Variants in DOCK3 observed in about 807,000 individuals in gnomAD.
The protein encoded by DOCK3 is dedicator of cytokinesis 3, also known as dedicator of cytokinesis protein 3.
Under a neutral mutation model 265.6 loss-of-function variants are expected in DOCK3, and 60 were observed. That is an observed-to-expected ratio of 0.23 (90% confidence interval 0.18 to 0.28). The LOEUF (loss-of-function observed/expected upper bound fraction) is 0.28. DOCK3 is among the 10% of genes least tolerant of loss of function. The probability of loss-of-function intolerance (pLI) is 1.00; values close to 1 mark genes in which losing one functional copy is unlikely to be tolerated. For synonymous variants in DOCK3, 881 were observed against 938.0 expected (o/e 0.94, Z 1.11); for missense variants, 1,981 against 2,594.3 (o/e 0.76, Z 5.14).
At chr3:51,037,188 T>C (rs2108998523) in intron 5 of DOCK3, among the ~76,000 whole-genome samples, 1 of 152,246 alleles carries the variant, frequency 6.6e-6, no homozygotes, top group South Asian at 2.1e-4. Context: ...TAAAAAAATA[T>C]AATGCAAACA....
intron 1 of DOCK3, among the ~76,000 whole-genome samples, chr3:50,738,202 A>G (rs1050201112): frequency 2.0e-5 from 3 of 152,002 alleles, no homozygotes; most frequent in African/African-American, 2.4e-5. Context: ...GGCTGATCCT[A>G]TGTCTTGGTA....
intron 1 of DOCK3, among the ~76,000 whole-genome samples, chr3:50,776,943 A>G (rs1470674876): frequency 6.6e-6 from 1 of 152,196 alleles, no homozygotes. Context: ...AGGCCTCACA[A>G]TCATAGTGGA....
At chr3:51,010,763 G>T (rs1440816003) in intron 5 of DOCK3, among the ~76,000 whole-genome samples, 1 of 152,194 alleles carries the variant, frequency 6.6e-6, no homozygotes. Context: ...GGTACTGGTT[G>T]TTACTTTTCG....
chr3:51,228,256 G>A (rs980635629), intron 17 of DOCK3, among the ~76,000 whole-genome samples, 168 bp downstream of exon 17: 9 of 152,134 alleles, frequency 5.9e-5, no homozygotes, highest in African/African-American at 2.2e-4. Flanking sequence ...TTCTAAGTGC[G>A]GTGGCCGTCC....
At chr3:50,702,432 C>T (rs555465694) in intron 1 of DOCK3, among the ~76,000 whole-genome samples, 12 of 152,028 alleles carry the variant, frequency 7.9e-5, no homozygotes, top group Non-Finnish European at 1.5e-4. Flanking sequence ...GGCGCAATCT[C>T]GGCACACTGC....
At chr3:50,788,193 T>G in intron 2 of DOCK3, 1 of 758,170 alleles carries the variant, frequency 1.3e-6, no homozygotes. Flanking sequence ...TGGATGGCAC[T>G]TGCCCATGAC....
intron 5 of DOCK3, among the ~76,000 whole-genome samples, chr3:50,938,652 A>G (rs1482052540): frequency 6.6e-6 from 1 of 152,090 alleles, no homozygotes; most frequent in Non-Finnish European, 1.5e-5. Flanking sequence ...CCACTACTAA[A>G]TGATCTGTGT....
chr3:51,222,463 G>A (rs2090142734), intron 14 of DOCK3, among the ~76,000 whole-genome samples: 1 of 152,190 alleles, frequency 6.6e-6, no homozygotes, highest in African/African-American at 2.4e-5. Context: ...GAGAATTCGT[G>A]GAGAGCTTGA....
chr3:51,298,566 C>A (rs965390827), intron 27 of DOCK3, among the ~76,000 whole-genome samples: 2 of 152,146 alleles, frequency 1.3e-5, no homozygotes, highest in Non-Finnish European at 2.9e-5. Context: ...TCCCTCCCCC[C>A]ACCTCAATCC....
In DOCK3 at chr3:50,789,703, G is replaced by A. The variant is rs908753292; in HGVS notation, c.121+10945G>A. Among the ~76,000 whole-genome samples, 4 of 152,070 alleles carry A rather than the reference G, an allele frequency of 2.6e-5. No homozygotes were observed. The South Asian group carries it at 8.3e-4, about 32-fold the overall frequency. On this transcript the variant is annotated intron_variant, in intron 2 of 52. Transcript: ENST00000266037. ...TCTAGGATTCTGATATTTTCCTGTT[G>A]GACTAGTTTTTAAATCTTTTTTGTT...
chr3:51,025,670 T>C (rs2108909378), intron 5 of DOCK3, among the ~76,000 whole-genome samples: 1 of 152,354 alleles, frequency 6.6e-6, no homozygotes, highest in South Asian at 2.1e-4. Context: ...AGTTGGGAGC[T>C]GCATTTACCC....
At chr3:51,063,523 G>A (rs2081493213) in intron 5 of DOCK3, among the ~76,000 whole-genome samples, 1 of 152,014 alleles carries the variant, frequency 6.6e-6, no homozygotes, top group East Asian at 1.9e-4. Context: ...GCTTATTTTG[G>A]CAAACATCTT....
At chr3:50,750,704 G>A (rs192732794) in intron 1 of DOCK3, among the ~76,000 whole-genome samples, 18 of 152,234 alleles carry the variant, frequency 1.2e-4, no homozygotes, top group Admixed American at 1.1e-3. Flanking sequence ...TTATCAGTTG[G>A]GAAAGAAGTG....
intron 2 of DOCK3, among the ~76,000 whole-genome samples, chr3:50,825,711 C>T (rs1040162723): frequency 1.3e-5 from 2 of 152,136 alleles, no homozygotes; most frequent in South Asian, 2.1e-4. Flanking sequence ...TTTCCCCTTT[C>T]AAGTAGGAGA....
chr3:51,029,654 C>G (rs1025788189), intron 5 of DOCK3, among the ~76,000 whole-genome samples: 1 of 152,188 alleles, frequency 6.6e-6, no homozygotes, highest in Non-Finnish European at 1.5e-5. Flanking sequence ...TCCTCCTTCC[C>G]TTAGGTGCAG....
intron 5 of DOCK3, among the ~76,000 whole-genome samples, chr3:51,054,637 A>AT (rs1326527851): frequency 6.6e-6 from 1 of 151,972 alleles, no homozygotes; most frequent in Non-Finnish European, 1.5e-5. Context: ...ATTTTCTTAC[A>AT]TTTTGTCTCC....
intron 2 of DOCK3, among the ~76,000 whole-genome samples, chr3:50,828,770 A>G (rs1488482763): frequency 1.3e-5 from 2 of 148,990 alleles, no homozygotes; most frequent in African/African-American, 2.5e-5. Context: ...CTGGAGTGCA[A>G]TGGTGCCATC....
chr3:51,256,703 C>G (rs890010806), intron 22 of DOCK3, among the ~76,000 whole-genome samples: 1 of 151,342 alleles, frequency 6.6e-6, no homozygotes, highest in East Asian at 2.0e-4. Flanking sequence ...AAGCGATTCT[C>G]CTGTCTCAGC....
At chr3:50,717,581 C>T (rs1056286042) in intron 1 of DOCK3, among the ~76,000 whole-genome samples, 2 of 151,680 alleles carry the variant, frequency 1.3e-5, no homozygotes, top group African/African-American at 4.8e-5. Flanking sequence ...TTATTTTTTC[C>T]CTTTCTGTCC....
Sources: allele counts gnomAD v4.1 joint callset (sites outside exome capture counted in the v4.1 genomes callset), GRCh38; gene constraint gnomAD v4.1.1; transcripts MANE v1.5; gene names NCBI Gene and HGNC (gene_info 2026-07-23, HGNC 2026-07-21).